Variants in PRIM2 observed in about 807,000 individuals in gnomAD.
PRIM2 encodes DNA primase subunit 2, also known as DNA primase large subunit.
In PRIM2, 39 loss-of-function variants were observed where a neutral mutation model predicts 67.3. The observed-to-expected ratio is 0.58, with a 90% confidence interval of 0.45 to 0.76. PRIM2 has a LOEUF of 0.76. Among genes scored for constraint, PRIM2 ranks in the 30% least tolerant of loss-of-function variants. The pLI is 0.00. For synonymous variants in PRIM2, 143 were observed against 198.7 expected (o/e 0.72, Z 2.36); for missense variants, 398 against 598.7 (o/e 0.66, Z 3.50).
intron 10 of PRIM2, 86 bp from the exon 11 acceptor site, chr6:57,601,007 C>T (rs1400816597): frequency 3.1e-5 from 40 of 1,275,958 alleles, no homozygotes; most frequent in South Asian, 4.7e-5. Flanking sequence ...TATCGCTTTG[C>T]ACTCTTTGAT....
intron 7 of PRIM2, among the ~76,000 whole-genome samples, chr6:57,409,375 C>T (rs1581875975): frequency 6.6e-6 from 1 of 152,118 alleles, no homozygotes. Flanking sequence ...CAGGGTTTCA[C>T]CGTGTTAGCC....
At chr6:57,640,138 A>G (rs1451616175) in intron 13 of PRIM2, among the ~76,000 whole-genome samples, 7 of 152,334 alleles carry the variant, frequency 4.6e-5, no homozygotes, top group Admixed American at 2.0e-4. Flanking sequence ...CAAAAACCAC[A>G]TGATTATCTC....
chr6:57,244,458 T>C, the PRIM2 span, among the ~76,000 whole-genome samples: 7,662 of 152,292 alleles, frequency 0.05, 315 homozygotes, highest in East Asian at 0.18. Flanking sequence ...AGTGTTCTTT[T>C]CCATTGAATA....
At chr6:57,312,046 G>T (rs187314324), upstream of PRIM2, among the ~76,000 whole-genome samples, 1 of 37,504 alleles carries the variant, frequency 2.7e-5, no homozygotes, top group Non-Finnish European at 4.8e-5. Context: ...AGAGGGGAGA[G>T]GGGAGAGGGG....
chr6:57,461,794 A>G (rs1448098718), intron 7 of PRIM2, among the ~76,000 whole-genome samples: 1 of 152,244 alleles, frequency 6.6e-6, no homozygotes, highest in Non-Finnish European at 1.5e-5. Flanking sequence ...TGATCAAAGA[A>G]TATACCTAGT....
chr6:57,390,898 AC>A (rs1770320918), intron 7 of PRIM2, among the ~76,000 whole-genome samples: 1 of 152,178 alleles, frequency 6.6e-6, no homozygotes, highest in African/African-American at 2.4e-5. Flanking sequence ...CTGGGTATAT[AC>A]CCAGTAACGG....
At chr6:57,433,924 G>GT (rs5876563) in intron 7 of PRIM2, among the ~76,000 whole-genome samples, 74,083 of 135,926 alleles carry the variant, frequency 0.55, 20,314 homozygotes, top group South Asian at 0.61. Context: ...TCTGTTCCCT[G>GT]TTTTTTTTTT....
intron 10 of PRIM2, among the ~76,000 whole-genome samples, chr6:57,591,051 T>C (rs1357091998): frequency 1.3e-5 from 2 of 152,138 alleles, no homozygotes; most frequent in African/African-American, 4.8e-5. Flanking sequence ...CTTTGGTGTG[T>C]TGTTTGGTTA....
intron 7 of PRIM2, among the ~76,000 whole-genome samples, chr6:57,490,322 C>G (rs1192069581): frequency 6.6e-6 from 1 of 152,168 alleles, no homozygotes; most frequent in Non-Finnish European, 1.5e-5. Flanking sequence ...CTTCATCCTT[C>G]TCAAATTCAC....
At chr6:57,539,653 TGTG>T (rs1775100143) in intron 10 of PRIM2, among the ~76,000 whole-genome samples, 76 of 41,224 alleles carry the variant, frequency 1.8e-3, no homozygotes, top group African/African-American at 0.011. Flanking sequence ...TGTGTGTGTG[TGTG>T]TATATATATA....
chr6:57,254,992 C>G, the PRIM2 span, among the ~76,000 whole-genome samples: 1 of 152,172 alleles, frequency 6.6e-6, no homozygotes, highest in East Asian at 1.9e-4. Flanking sequence ...TTTTCCAGGC[C>G]TTTTCCCTGT....
At chr6:57,337,317 C>T (rs996720749) in intron 5 of PRIM2, among the ~76,000 whole-genome samples, 22 of 152,250 alleles carry the variant, frequency 1.4e-4, no homozygotes, top group Admixed American at 1.1e-3. Flanking sequence ...AGAAAGTCAA[C>T]AATGATACCC....
chr6:57,430,300 C>T (rs1165543738), intron 7 of PRIM2, among the ~76,000 whole-genome samples: 2 of 152,060 alleles, frequency 1.3e-5, no homozygotes, highest in African/African-American at 4.8e-5. Flanking sequence ...AATTGCTACC[C>T]CTTTACATAC....
chr6:57,290,154 A>G, the PRIM2 span, among the ~76,000 whole-genome samples: 1 of 151,800 alleles, frequency 6.6e-6, no homozygotes, highest in East Asian at 1.9e-4. Context: ...CAGGGGTTGC[A>G]ATCTTAGTCT....
intron 7 of PRIM2, among the ~76,000 whole-genome samples, chr6:57,394,808 T>C (rs1770467162): frequency 6.6e-6 from 1 of 152,216 alleles, no homozygotes; most frequent in African/African-American, 2.4e-5. Flanking sequence ...TTGTCATAGA[T>C]GGCTTTTATA....
the PRIM2 span, among the ~76,000 whole-genome samples, chr6:57,236,478 C>T: frequency 6.6e-6 from 1 of 151,948 alleles, no homozygotes. Flanking sequence ...AGGTTTGTTA[C>T]ATATGTATAC....
chr6:57,262,357 T>A, the PRIM2 span, among the ~76,000 whole-genome samples: 2 of 152,120 alleles, frequency 1.3e-5, no homozygotes, highest in Non-Finnish European at 2.9e-5. Context: ...ATGGCGTAAA[T>A]CCCCTTCCTA....
the PRIM2 span, among the ~76,000 whole-genome samples, chr6:57,285,247 A>G: frequency 6.6e-6 from 1 of 152,230 alleles, no homozygotes; most frequent in Non-Finnish European, 1.5e-5. Flanking sequence ...CAACAAAAAA[A>G]GAGGGACTCC....
At chr6:57,256,206 A>G in the PRIM2 span, among the ~76,000 whole-genome samples, 3 of 152,208 alleles carry the variant, frequency 2.0e-5, no homozygotes, top group Non-Finnish European at 2.9e-5. Context: ...ACTTGGGGGA[A>G]AAAGACAATT....
Sources: allele counts gnomAD v4.1 joint callset (sites outside exome capture counted in the v4.1 genomes callset), GRCh38; gene constraint gnomAD v4.1.1; transcripts MANE v1.5; gene names NCBI Gene and HGNC (gene_info 2026-07-23, HGNC 2026-07-21).